Variants in EIF4E3 observed in about 807,000 individuals in gnomAD.
EIF4E3 encodes eukaryotic translation initiation factor 4E type 3.
In EIF4E3, 26 loss-of-function variants were observed where a neutral mutation model predicts 31.7. The ratio of observed to expected loss-of-function variants is 0.82; its 90% CI spans 0.60 to 1.14. The LOEUF (loss-of-function observed/expected upper bound fraction) is 1.14, where lower values mean the gene tolerates loss of function less well. Ranked by LOEUF, EIF4E3 falls within the 50% of genes most tolerant of loss-of-function variation. EIF4E3 has a pLI of 0.00. For synonymous variants in EIF4E3, 128 were observed against 107.7 expected (o/e 1.19, Z -1.17); for missense variants, 304 against 270.9 (o/e 1.12, Z -0.86).
intron 1 of EIF4E3, among the ~76,000 whole-genome samples, chr3:71,732,321 A>G (rs982570271): frequency 7.9e-5 from 12 of 152,232 alleles, no homozygotes; most frequent in African/African-American, 2.9e-4. Context: ...AGATAGGGAC[A>G]AGAGATTCAC....
chr3:71,695,093 T>C (rs1035034058), intron 4 of EIF4E3, among the ~76,000 whole-genome samples: 1 of 152,208 alleles, frequency 6.6e-6, no homozygotes, highest in Non-Finnish European at 1.5e-5. Context: ...TCCTAGCCTG[T>C]CCCTTCTGGT....
chr3:71,716,295 C>T (rs2049464663), intron 1 of EIF4E3, among the ~76,000 whole-genome samples: 1 of 152,126 alleles, frequency 6.6e-6, no homozygotes, highest in African/African-American at 2.4e-5. Context: ...CGCAGTGGCG[C>T]AATCTCGACT....
Position 71,676,685 on chromosome 3 carries a change from G to A in EIF4E3, c.*7997C>T, listed in dbSNP as rs1379864852. ...GTTTCTGTGGAACCACCCTTCTAGG[G>A]AACACTCTTTGAAAGCTGATGGACC... is the stretch of plus-strand genomic sequence containing the variant. On this transcript the variant is annotated 3_prime_UTR_variant, in exon 7 of 7. Transcript: ENST00000425534. The A allele has an allele frequency of 6.6e-6, 1 of 151,240 alleles. No homozygotes were observed. Among genetic ancestry groups the A allele is most frequent in the Non-Finnish European group, 1.5e-5 (1 of 67,882 alleles). The allele number at this position is 151,240 out of a possible 1,614,324, so 9.4% of individuals were successfully genotyped here. A position where few individuals can be genotyped will look rare whatever the true frequency, so the allele number is the denominator to read the frequency against.
chr3:71,720,034 T>C (rs2049523017), intron 1 of EIF4E3, among the ~76,000 whole-genome samples: 1 of 151,722 alleles, frequency 6.6e-6, no homozygotes, highest in Non-Finnish European at 1.5e-5. Flanking sequence ...TATATTCATA[T>C]CTTATATTTT....
At chr3:71,738,955 T>A (rs1217297610) in intron 1 of EIF4E3, among the ~76,000 whole-genome samples, 1 of 135,010 alleles carries the variant, frequency 7.4e-6, no homozygotes, top group Non-Finnish European at 1.5e-5. Flanking sequence ...CCAGAAAATT[T>A]CCAAATGCCT....
intron 4 of EIF4E3, among the ~76,000 whole-genome samples, chr3:71,695,514 G>C (rs1446706736): frequency 1.3e-5 from 2 of 152,146 alleles, no homozygotes; most frequent in Admixed American, 1.3e-4. Context: ...GAAATTTTAA[G>C]AACACCTTAT....
chr3:71,667,350 G>A, the EIF4E3 span, among the ~76,000 whole-genome samples: 2 of 152,198 alleles, frequency 1.3e-5, no homozygotes, highest in Non-Finnish European at 2.9e-5. Flanking sequence ...ACAAGACAAG[G>A]ATGCCCTCTG....
downstream of EIF4E3, among the ~76,000 whole-genome samples, chr3:71,675,230 C>T (rs1473695742): frequency 6.6e-6 from 1 of 152,202 alleles, no homozygotes; most frequent in Non-Finnish European, 1.5e-5. Flanking sequence ...CATGATCCAT[C>T]TGTGCTGGGA....
chr3:71,725,460 G>GCGCCC (rs978758575), upstream of EIF4E3: 43 of 696,710 alleles, frequency 6.2e-5, no homozygotes, highest in Admixed American at 2.0e-4. This position sits in a 1 kb window ranked among gnomAD's most constrained non-coding sequence, Gnocchi z 6.1. Context: ...CCCGCCCCGC[G>GCGCCC]CGCCCCGCCC....
At chr3:71,747,628 C>G (rs947360495) in intron 1 of EIF4E3, among the ~76,000 whole-genome samples, 1 of 152,050 alleles carries the variant, frequency 6.6e-6, no homozygotes, top group African/African-American at 2.4e-5. Flanking sequence ...TTAATGAAAT[C>G]CAATTTATGT....
At position 71,725,142 on chromosome 3, in the gene EIF4E3, C is replaced by T; in HGVS notation, c.176+50G>A. ...CCGCGCCGAGACAAAGCGGCGGTGG[C>T]GGCAGGACCCGGGTCGGGGCCGTGC... On this transcript the variant is annotated intron_variant, in intron 1 of 6. Transcript: ENST00000425534. The surrounding 1 kb of genome is among the most constrained non-coding windows in gnomAD (Gnocchi z 6.1). 9.7e-7 allele frequency: 1 copy of T among 1,032,978 alleles called. No individual in the cohort carries two copies. The highest frequency in any genetic ancestry group is 1.2e-6 in the Non-Finnish European group (1 of 862,530). 64.0% of individuals were successfully genotyped at this position (1,032,978 alleles called of 1,614,324 possible). A position where few individuals can be genotyped will look rare whatever the true frequency, so the allele number is the denominator to read the frequency against.
chr3:71,688,386 G>A (rs2049020086), intron 6 of EIF4E3, among the ~76,000 whole-genome samples: 1 of 152,126 alleles, frequency 6.6e-6, no homozygotes. Flanking sequence ...GTGCTACCTG[G>A]AAACTTAATC....
At chr3:71,709,697 T>C (rs1363685310) in intron 2 of EIF4E3, among the ~76,000 whole-genome samples, 1 of 152,106 alleles carries the variant, frequency 6.6e-6, no homozygotes, top group East Asian at 1.9e-4. Context: ...GTTTTTTCAG[T>C]TGTGTTTTTC....
chr3:71,717,498 A>G (rs567482940), intron 1 of EIF4E3, among the ~76,000 whole-genome samples: 12 of 152,308 alleles, frequency 7.9e-5, no homozygotes, highest in African/African-American at 2.6e-4. Flanking sequence ...TTTCTCAGCA[A>G]ATTCCGAGGC....
chr3:71,732,797 C>T (rs2049720711), intron 1 of EIF4E3, among the ~76,000 whole-genome samples: 1 of 152,218 alleles, frequency 6.6e-6, no homozygotes, highest in Non-Finnish European at 1.5e-5. Context: ...GAGGAAAGTC[C>T]AAAAACATGT....
chr3:71,739,824 A>G (rs2049801925), intron 1 of EIF4E3, among the ~76,000 whole-genome samples: 1 of 152,232 alleles, frequency 6.6e-6, no homozygotes, highest in Admixed American at 6.5e-5. Flanking sequence ...ATATAACATA[A>G]TTTTGGTATT....
At chr3:71,659,966 C>T in the EIF4E3 span, among the ~76,000 whole-genome samples, 28 of 152,338 alleles carry the variant, frequency 1.8e-4, no homozygotes, top group African/African-American at 6.7e-4. Flanking sequence ...GTTCACAGAC[C>T]AACAGCATGG....
At chr3:71,670,056 C>T in the EIF4E3 span, among the ~76,000 whole-genome samples, 5,403 of 152,204 alleles carry the variant, frequency 0.035, 308 homozygotes, top group African/African-American at 0.12. Context: ...TCTGCCTTAT[C>T]GTGTGAAGAT....
intron 4 of EIF4E3, among the ~76,000 whole-genome samples, chr3:71,695,783 T>C (rs2049127795): frequency 6.6e-6 from 1 of 152,198 alleles, no homozygotes; most frequent in Non-Finnish European, 1.5e-5. Context: ...ACTTCCCCTT[T>C]GTCCATTTTC....
Sources: allele counts gnomAD v4.1 joint callset (sites outside exome capture counted in the v4.1 genomes callset), GRCh38; gene constraint gnomAD v4.1.1; non-coding constraint Gnocchi (gnomAD v3.1); transcripts MANE v1.5; gene names NCBI Gene and HGNC (gene_info 2026-07-23, HGNC 2026-07-21).